The following NOS3 variants were observed in gnomAD, a reference collection of about 807,000 sequenced individuals.
NOS3 encodes the protein nitric oxide synthase 3.
A neutral mutation model predicts 144.9 loss-of-function variants in NOS3; 98 were observed. The observed-to-expected ratio is 0.68, with a 90% CI of 0.57 to 0.80. The LOEUF (loss-of-function observed/expected upper bound fraction) is 0.80, where lower values mean the gene tolerates loss of function less well. Among genes scored for constraint, NOS3 ranks in the 30% least tolerant of loss-of-function variants. The pLI is 0.00. For missense variants in NOS3, 1,465 were observed against 1,656.4 expected, an observed-to-expected ratio of 0.88 and a Z score of 2.01; for synonymous variants, 714 against 702.4, an observed-to-expected ratio of 1.02 and a Z score of -0.26.
chr7:151,012,007 G>T, intron 23 of NOS3: 1 of 300,548 alleles, frequency 3.3e-6, no homozygotes, highest in Non-Finnish European at 6.6e-6. Flanking sequence ...CCCATCTACT[G>T]AACATAAACT....
chr7:150,996,593 G>A (rs771918842), intron 4 of NOS3, 41 bp downstream of exon 4: 3 of 1,562,842 alleles, frequency 1.9e-6, no homozygotes, highest in Non-Finnish European at 2.6e-6. Context: ...TTGTCCCACT[G>A]AGGCCCCAGA....
At position 150,997,640 on chromosome 7, in the gene NOS3, G is replaced by A. The variant is rs554967255; in HGVS notation, c.582+715G>A. The stretch of plus-strand genomic sequence containing the variant: ...GCCAAAGAGTTTGAAATAAAGCCAC[G>A]TGCCCAGTGAATCCCAAAGGAACCT... On this transcript the variant is annotated intron_variant, in intron 5 of 26. Transcript: ENST00000297494. 5.3e-5 allele frequency among the ~76,000 whole-genome samples: 8 copies of A among 152,282 alleles called. No homozygotes were observed. In the East Asian group the frequency reaches 5.8e-4, roughly 11 times the overall value.
chr7:151,006,382 G>T, intron 14 of NOS3, 45 bp from the exon 15 acceptor site: 1 of 1,413,808 alleles, frequency 7.1e-7, no homozygotes, highest in Non-Finnish European at 1.0e-6. Context: ...TATGTAGTTT[G>T]AAATGAAACA....
At chr7:151,010,348 C>G in intron 21 of NOS3, 61 bp downstream of exon 21, 1 of 1,492,736 alleles carries the variant, frequency 6.7e-7, no homozygotes, top group Admixed American at 2.1e-5. Flanking sequence ...GGGGGGACCC[C>G]AGTGGCAGGA....
chr7:151,010,386 T>A, intron 21 of NOS3, 99 bp downstream of exon 21: 1 of 1,246,528 alleles, frequency 8.0e-7, no homozygotes, highest in East Asian at 2.5e-5. Context: ...CCCCCTGGAC[T>A]TTCTTCTCCT....
rs1795161056 is a variant in NOS3 at position 151,003,620 on chromosome 7, G to T, written c.1752+1316G>T. 1 of 1,086,298 alleles carries T rather than the reference G, an allele frequency of 9.2e-7. No homozygotes were observed. The allele number at this position is 1,086,298 out of a possible 1,614,324, so 67.3% of individuals were successfully genotyped here. A position where few individuals can be genotyped will look rare whatever the true frequency, so the allele number is the denominator to read the frequency against. ...TAGCACATTTTCACCACCCTGGAAA[G>T]TTCCCTCATCAGTTCCTCACGTGAA... On this transcript the variant is annotated intron_variant, in intron 14 of 26. Transcript: ENST00000297494. The surrounding 1 kb of genome is among the most constrained non-coding windows in gnomAD (Gnocchi z 4.1).
chr7:151,012,776 T>C (rs958717272), intron 24 of NOS3: 2 of 354,636 alleles, frequency 5.6e-6, no homozygotes, highest in Non-Finnish European at 1.0e-5. Context: ...TTCTTGACTG[T>C]GCCAGAGCTG....
chr7:151,007,323 C>G, intron 17 of NOS3, 47 bp downstream of exon 17: 1 of 1,524,374 alleles, frequency 6.6e-7, no homozygotes, highest in South Asian at 1.2e-5. Flanking sequence ...CCTGGGATGC[C>G]TCCTCCTGCC....
Position 151,014,317 on chromosome 7 carries a change from G to T in NOS3, c.*148G>T. ...GCAAGGATTCAGCATTATTCCTCCA[G>T]GAAGGAGCAAAACGCCTCTTTTCCC... On this transcript the variant is annotated 3_prime_UTR_variant, in exon 27 of 27. Transcript: ENST00000297494. The T allele has an allele frequency of 2.2e-6, 2 of 897,854 alleles. No individual in the cohort carries two copies. The highest frequency in any genetic ancestry group is 3.3e-6 in the Non-Finnish European group (2 of 611,136). 55.6% of individuals were successfully genotyped at this position (897,854 alleles called of 1,614,324 possible).
At position 151,002,846 on chromosome 7, in the gene NOS3, C is replaced by T. The variant is rs3918176; in HGVS notation, c.1752+542C>T. ...TTTATTTATTTTGAGAACCTATTTA[C>T]GTTGCCCAGGCTGGCCTTGAACTCC... On this transcript the variant is annotated intron_variant, in intron 14 of 26. Coordinates refer to ENST00000297494, the MANE Select transcript of NOS3 (RefSeq NM_000603.5). The surrounding 1 kb of genome is among the most constrained non-coding windows in gnomAD (Gnocchi z 4.1). 0.34 allele frequency: 67,162 copies of T among 196,916 alleles called. 12,107 individuals carry two copies. The highest frequency in any genetic ancestry group is 0.36 in the African/African-American group (15,151 of 41,720). 12.2% of individuals were successfully genotyped at this position (196,916 alleles called of 1,614,324 possible). A position where few individuals can be genotyped will look rare whatever the true frequency, so the allele number is the denominator to read the frequency against.
rs1308819991 is a variant in NOS3 at position 151,002,450 on chromosome 7, ACACG to A, written c.1752+148_1752+151del. ...CACACACACACACACACACACACAC[ACACG>A]CCAGGATGGAAAGGGAGATGCTAAG... On this transcript the variant is annotated intron_variant, in intron 14 of 26. Transcript: ENST00000297494. The surrounding 1 kb of genome is among the most constrained non-coding windows in gnomAD (Gnocchi z 4.1). 3.2e-4 allele frequency: 150 copies of A among 475,888 alleles called. 4 individuals carry two copies. The highest frequency in any genetic ancestry group is 3.0e-3 in the African/African-American group (138 of 46,378). The allele number at this position is 475,888 out of a possible 1,614,324, so 29.5% of individuals were successfully genotyped here.
Position 151,007,231 on chromosome 7 carries a change from C to T in NOS3, c.2067C>T (p.Cys689=), listed in dbSNP as rs200567165. The change falls in exon 17 of 27, where the codon TGC becomes TGT. Residue 689 remains cysteine, a synonymous_variant. Transcript: ENST00000297494. Reference sequence around the variant, plus strand: ...AGCTGGGCCAGGGCGACGAGCTGTGCGGCCAGGAGGAGGCCTTCCGAGGCT... The same window carrying T: ...AGCTGGGCCAGGGCGACGAGCTGTGTGGCCAGGAGGAGGCCTTCCGAGGCT... ...LLQLGQGDEL[C]GQEEAFRGWA... 186 of 1,608,578 alleles carry T rather than the reference C, an allele frequency of 1.2e-4. No homozygotes were observed. Among genetic ancestry groups the T allele is most frequent in the Middle Eastern group, 1.7e-4 (1 of 6,052 alleles).
chr7:151,013,673 G>GGC, intron 25 of NOS3, 51 bp from the exon 26 acceptor site: 2 of 1,437,204 alleles, frequency 1.4e-6, no homozygotes, highest in Non-Finnish European at 1.9e-6. Flanking sequence ...CCCGGGCTGC[G>GGC]CCCCCGCGCC....
chr7:151,014,285 A>G lies in NOS3; in HGVS notation c.*116A>G. ...AGGTGGTGCCTTCTCACATCTGTCC[A>G]GAGGCTGCAAGGATTCAGCATTATT... On this transcript the variant is annotated 3_prime_UTR_variant, in exon 27 of 27. Transcript: ENST00000297494. 9.5e-7 allele frequency: 1 copy of G among 1,053,684 alleles called. No individual in the cohort carries two copies. The highest frequency in any genetic ancestry group is 1.3e-6 in the Non-Finnish European group (1 of 745,660). The allele number at this position is 1,053,684 out of a possible 1,614,324, so 65.3% of individuals were successfully genotyped here.
intron 23 of NOS3, 161 bp from the exon 24 acceptor site, chr7:151,012,190 G>C: frequency 1.7e-6 from 1 of 595,800 alleles, no homozygotes; most frequent in Non-Finnish European, 2.9e-6. Flanking sequence ...ACAGATCCAA[G>C]GAGTTTCAGC....
Position 151,002,696 on chromosome 7 carries a change from T to C in NOS3, c.1752+392T>C, listed in dbSNP as rs1795136269. 9.3e-6 allele frequency: 2 copies of C among 215,458 alleles called. No individual in the cohort carries two copies. The highest frequency in any genetic ancestry group is 2.7e-4 in the East Asian group (2 of 7,376). The allele number at this position is 215,458 out of a possible 1,614,324, so 13.3% of individuals were successfully genotyped here. A position where few individuals can be genotyped will look rare whatever the true frequency, so the allele number is the denominator to read the frequency against. On this transcript the variant is annotated intron_variant, in intron 14 of 26. Transcript: ENST00000297494. The surrounding 1 kb of genome is among the most constrained non-coding windows in gnomAD (Gnocchi z 4.1). ...CAGGGATACGTCACTGAGGGCGGCT[T>C]CTAGGATGCGGGTAATGTTTCTTAA...
chr7:151,009,658 A>C, intron 20 of NOS3, 73 bp downstream of exon 20: 4 of 1,344,240 alleles, frequency 3.0e-6, no homozygotes, highest in Non-Finnish European at 4.0e-6. Context: ...CCAGGCCTCC[A>C]GGAGCTCAGG....
chr7:151,012,211 GTTTTT>G, intron 23 of NOS3, 135 bp from the exon 24 acceptor site: 4 of 689,918 alleles, frequency 5.8e-6, no homozygotes, highest in East Asian at 2.8e-5. Flanking sequence ...AAGTAGAGTT[GTTTTT>G]TGTTTTTTGT....
Position 151,002,438 on chromosome 7 carries a change from ACACACACACACACACG to A in NOS3, c.1752+136_1752+151del, listed in dbSNP as rs1795130125. 3 of 496,032 alleles carry A rather than the reference ACACACACACACACACG, an allele frequency of 6.0e-6. No individual in the cohort carries two copies. Among genetic ancestry groups the A allele is most frequent in the African/African-American group, 4.4e-5 (2 of 45,788 alleles). The allele number at this position is 496,032 out of a possible 1,614,324, so 30.7% of individuals were successfully genotyped here. On this transcript the variant is annotated intron_variant, in intron 14 of 26. Transcript: ENST00000297494. This position sits in a 1 kb window ranked among gnomAD's most constrained non-coding sequence, Gnocchi z 4.1. ...CACACACACACACACACACACACAC[ACACACACACACACACG>A]CCAGGATGGAAAGGGAGATGCTAAG...
Sources: gnomAD v4.1 joint callset for allele counts (sites outside exome capture counted in the v4.1 genomes callset) on GRCh38, gnomAD v4.1.1 for gene constraint, Gnocchi (gnomAD v3.1) non-coding constraint, MANE v1.5 for transcripts, NCBI Gene and HGNC (gene_info 2026-07-23, HGNC 2026-07-21) for gene names.